Variants in GABRR3 observed in about 807,000 individuals in gnomAD.
The protein encoded by GABRR3 is gamma-aminobutyric acid type A receptor subunit rho3, also known as gamma-aminobutyric acid receptor subunit rho-3.
A neutral mutation model predicts 43.2 loss-of-function variants in GABRR3; 29 were observed. The ratio of observed to expected loss-of-function variants is 0.67; its 90% CI spans 0.50 to 0.92. The LOEUF (loss-of-function observed/expected upper bound fraction) is 0.92. Ranked by LOEUF, GABRR3 falls within the 40% of genes least tolerant of loss-of-function variation. The pLI, the probability that GABRR3 is intolerant of heterozygous loss-of-function variation, is 0.00. For missense variants in GABRR3, 576 were observed against 572.3 expected (o/e 1.01, Z -0.07); for synonymous variants, 206 against 195.9 (o/e 1.05, Z -0.43).
At chr3:98,023,002 TAAG>T (rs1352179530) in intron 3 of GABRR3, among the ~76,000 whole-genome samples, 1 of 152,080 alleles carries the variant, frequency 6.6e-6, no homozygotes, top group Non-Finnish European at 1.5e-5. Context: ...TGTTTTAAGA[TAAG>T]AGAGGAGAGT....
exon 6 of GABRR3, chr3:98,009,012 A>T (rs376589436): frequency 6.2e-7 from 1 of 1,607,808 alleles, no homozygotes; most frequent in South Asian, 1.1e-5. Context: ...GCTGAAATCC[A>T]TAAAGCACAT....
intron 9 of GABRR3, among the ~76,000 whole-genome samples, chr3:97,988,059 C>T (rs983731807): frequency 2.0e-5 from 3 of 151,910 alleles, no homozygotes; most frequent in African/African-American, 7.3e-5. Flanking sequence ...TCCATGGCTC[C>T]CCCGACACCA....
intron 2 of GABRR3, among the ~76,000 whole-genome samples, chr3:98,027,793 A>G (rs1221439710): frequency 6.6e-6 from 1 of 152,230 alleles, no homozygotes; most frequent in Non-Finnish European, 1.5e-5. Context: ...ACATTTCTTC[A>G]TCATAAATTT....
At chr3:97,998,428 T>C (rs914665003) in intron 8 of GABRR3, 2 of 152,174 alleles carry the variant, frequency 1.3e-5, no homozygotes, top group African/African-American at 4.8e-5. Flanking sequence ...GAAAAGTCTA[T>C]TCAAAGTATG....
At chr3:97,992,795 T>C in intron 9 of GABRR3, 57 bp downstream of exon 9, 1 of 1,464,520 alleles carries the variant, frequency 6.8e-7, no homozygotes, top group Non-Finnish European at 9.2e-7. Context: ...GGGCAATAGA[T>C]AAGGGTAGTC....
rs60490447 is a variant in GABRR3, at chr3:98,005,210, AACACACACACACACACAC to A, written c.754+2536_754+2553del. Among the ~76,000 whole-genome samples, 481 of 148,026 alleles carry A rather than the reference AACACACACACACACACAC, an allele frequency of 3.2e-3. 5 individuals are homozygous for A. The highest frequency in any genetic ancestry group is 3.5e-3 in the Non-Finnish European group (232 of 66,770). The stretch of plus-strand genomic sequence containing the variant: ...CTATTGTTAATCTTTCTAGGCTTTT[AACACACACACACACACAC>A]ACACACACACACACGATATGCACAG... On this transcript the variant is annotated intron_variant, in intron 7 of 9. Coordinates refer to ENST00000621172, the Ensembl canonical transcript of GABRR3.
At chr3:98,001,535 C>G in intron 8 of GABRR3, 80 bp downstream of exon 8, 1 of 1,460,170 alleles carries the variant, frequency 6.8e-7, no homozygotes. Context: ...CTCTTTTCCT[C>G]TCCATGTATG....
intron 2 of GABRR3, among the ~76,000 whole-genome samples, chr3:98,028,843 T>C (rs1707053438): frequency 1.3e-5 from 2 of 152,144 alleles, no homozygotes; most frequent in Admixed American, 1.3e-4. Context: ...TGAAGGCCTC[T>C]GATGCATACA....
At chr3:98,002,086 A>G (rs1477495203) in intron 7 of GABRR3, among the ~76,000 whole-genome samples, 2 of 152,150 alleles carry the variant, frequency 1.3e-5, no homozygotes, top group African/African-American at 4.8e-5. Context: ...TGCAAGAGGG[A>G]AAGTCTTCAA....
exon 5 of GABRR3, chr3:98,012,452 A>G (rs752918321): frequency 5.6e-6 from 9 of 1,613,894 alleles, no homozygotes; most frequent in East Asian, 2.2e-5. Context: ...GATATCAGGC[A>G]CCCAGATCTT....
chr3:98,016,176 A>G (rs1418401297), intron 4 of GABRR3, among the ~76,000 whole-genome samples: 1 of 152,170 alleles, frequency 6.6e-6, no homozygotes, highest in East Asian at 1.9e-4. Flanking sequence ...CAACATGTCA[A>G]GATGAGATTT....
downstream of GABRR3, among the ~76,000 whole-genome samples, chr3:97,985,998 C>G (rs1310540768): frequency 6.6e-6 from 1 of 152,122 alleles, no homozygotes; most frequent in East Asian, 1.9e-4. Flanking sequence ...TCCCAAGTAG[C>G]ACAGACTACA....
intron 6 of GABRR3, 36 bp from the exon 7 acceptor site, chr3:98,007,940 A>G: frequency 4.7e-6 from 7 of 1,492,890 alleles, no homozygotes; most frequent in Non-Finnish European, 5.4e-6. Context: ...TAAGTGTAAT[A>G]AGCTCTTGTA....
chr3:98,006,001 G>T (rs1416927929), intron 7 of GABRR3, among the ~76,000 whole-genome samples: 1 of 151,690 alleles, frequency 6.6e-6, no homozygotes, highest in African/African-American at 2.4e-5. Flanking sequence ...ATGCTTCATT[G>T]CATACATTCT....
chr3:97,987,838 G>A (rs1706407664), intron 9 of GABRR3, among the ~76,000 whole-genome samples: 2 of 150,598 alleles, frequency 1.3e-5, no homozygotes, highest in South Asian at 2.1e-4. Flanking sequence ...GGGCAGTGGT[G>A]TGATTATAGC....
chr3:98,001,658 T>C (rs759273883), exon 8 of GABRR3: 12 of 1,613,144 alleles, frequency 7.4e-6, no homozygotes, highest in Non-Finnish European at 9.3e-6. Flanking sequence ...CAATCCAAAA[T>C]GAAACCCATG....
At chr3:97,985,809 T>C (rs1706377168), downstream of GABRR3, among the ~76,000 whole-genome samples, 1 of 151,896 alleles carries the variant, frequency 6.6e-6, no homozygotes, top group East Asian at 1.9e-4. Flanking sequence ...TAGCTTCCCC[T>C]CTCCACTTAT....
intron 2 of GABRR3, among the ~76,000 whole-genome samples, chr3:98,025,948 C>T (rs544591892): frequency 4.9e-4 from 74 of 152,246 alleles, no homozygotes; most frequent in African/African-American, 1.5e-3. Flanking sequence ...TCTCAGAATA[C>T]GGTTTTTAGA....
At chr3:97,989,829 G>A (rs1184010709) in intron 9 of GABRR3, among the ~76,000 whole-genome samples, 2 of 152,124 alleles carry the variant, frequency 1.3e-5, no homozygotes, top group African/African-American at 4.8e-5. Flanking sequence ...ATTTAAGCTA[G>A]TGATGAAATA....
Sources: allele counts gnomAD v4.1 joint callset (sites outside exome capture counted in the v4.1 genomes callset), GRCh38; gene constraint gnomAD v4.1.1; transcripts MANE v1.5; gene names NCBI Gene and HGNC (gene_info 2026-07-23, HGNC 2026-07-21).